MTM1: variants seen among roughly 807,000 people sequenced by gnomAD.
The protein encoded by MTM1 is myotubularin 1, also known as myotubularin.
Under a neutral mutation model 52.1 loss-of-function variants are expected in MTM1, and 9 were observed. The ratio of observed to expected loss-of-function variants is 0.17; its 90% confidence interval spans 0.10 to 0.30. MTM1 has a LOEUF of 0.30. Among genes scored for constraint, MTM1 ranks in the 10% least tolerant of loss-of-function variants. The pLI, the probability that MTM1 is intolerant of heterozygous loss-of-function variation, is 1.00. For synonymous variants in MTM1, 136 were observed against 163.8 expected (o/e 0.83, Z 1.29); for missense variants, 277 against 470.7 (o/e 0.59, Z 3.81).
intron 1 of MTM1, among the ~76,000 whole-genome samples, chrX:150,585,251 C>T (rs1227339630): frequency 3.6e-5 from 4 of 111,493 alleles, no homozygotes; most frequent in African/African-American, 1.3e-4. Flanking sequence ...TATCTCCAAC[C>T]TTTTCTCCTC....
intron 1 of MTM1, among the ~76,000 whole-genome samples, chrX:150,574,257 C>A (rs1205994784): frequency 9.0e-6 from 1 of 111,474 alleles, no homozygotes; most frequent in Non-Finnish European, 1.9e-5. Flanking sequence ...ATTCCCATTA[C>A]GCCTATGGCA....
At position 150,649,746 on chromosome X, in the gene MTM1, G is replaced by A. The variant is rs2148497733; in HGVS notation, c.898G>A (p.Ala300Thr). The A allele has an allele frequency of 8.3e-7, 1 of 1,209,154 alleles. No homozygotes were observed. Among genetic ancestry groups the A allele is most frequent in the South Asian group, 1.8e-5 (1 of 56,819 alleles). Residue 300 changes from alanine to threonine, a missense_variant, in exon 10 of 15, where the codon GCA (alanine) becomes ACA (threonine). Coordinates refer to ENST00000370396, the MANE Select transcript of MTM1 (RefSeq NM_000252.3). ...AGGAGGAGGATATGAAAGTGATGAT[G>A]CATATCATAACGCCGAACTTTTCTT... ...ATGGGYESDD[A>T]YHNAELFFLD...
intron 6 of MTM1, among the ~76,000 whole-genome samples, chrX:150,637,058 C>T (rs782163219): frequency 8.9e-6 from 1 of 112,180 alleles, no homozygotes; most frequent in Admixed American, 9.4e-5. Context: ...CCAGTGTGTG[C>T]TTATCATGCC....
intron 1 of MTM1, among the ~76,000 whole-genome samples, chrX:150,571,090 A>G (rs900275959): frequency 8.9e-6 from 1 of 112,235 alleles, no homozygotes; most frequent in Admixed American, 9.4e-5. Flanking sequence ...GCTCCAAAAT[A>G]AAGAGAAAAG....
At chrX:150,579,104 G>T (rs1557411776) in intron 1 of MTM1, among the ~76,000 whole-genome samples, 1 of 110,153 alleles carries the variant, frequency 9.1e-6, no homozygotes, top group Non-Finnish European at 1.9e-5. Flanking sequence ...GCCCAGGCTG[G>T]AGTGCAATGG....
intron 3 of MTM1, chrX:150,597,012 T>C (rs1557412623): frequency 1.5e-5 from 2 of 129,132 alleles, no homozygotes; most frequent in African/African-American, 6.4e-5. Flanking sequence ...CGTCAGAAAA[T>C]GGAAGTTAGT....
At chrX:150,572,930 G>A (rs2038405954) in intron 1 of MTM1, among the ~76,000 whole-genome samples, 1 of 112,865 alleles carries the variant, frequency 8.9e-6, no homozygotes, top group Non-Finnish European at 1.9e-5. Flanking sequence ...TCATGTACTT[G>A]TATTAGTTTA....
At chrX:150,618,419 C>T (rs781870575) in intron 5 of MTM1, among the ~76,000 whole-genome samples, 1 of 111,230 alleles carries the variant, frequency 9.0e-6, no homozygotes, top group African/African-American at 3.3e-5. Context: ...TTTGGGAGGC[C>T]GAGGCAGGCA....
At chrX:150,575,073 C>T (rs1431502668) in intron 1 of MTM1, among the ~76,000 whole-genome samples, 3 of 112,357 alleles carry the variant, frequency 2.7e-5, no homozygotes, top group Non-Finnish European at 3.8e-5. Flanking sequence ...GGTTTTTTCT[C>T]GGTTTCAGTT....
intron 1 of MTM1, among the ~76,000 whole-genome samples, chrX:150,575,459 T>G (rs1361908480): frequency 1.8e-5 from 2 of 112,480 alleles, no homozygotes; most frequent in Admixed American, 1.9e-4. Context: ...CACCTGGACT[T>G]CGAGTTGAAA....
chrX:150,598,964 G>T (rs1227008466), intron 4 of MTM1, among the ~76,000 whole-genome samples: 1 of 112,256 alleles, frequency 8.9e-6, no homozygotes, highest in African/African-American at 3.2e-5. Flanking sequence ...GTGTAGAACA[G>T]TGGTTCTTTG....
At chrX:150,590,641 GTCCTTT>G (rs2038867455) in intron 1 of MTM1, among the ~76,000 whole-genome samples, 1 of 111,291 alleles carries the variant, frequency 9.0e-6, no homozygotes, top group Admixed American at 9.6e-5. Flanking sequence ...GAGGGATTTC[GTCCTTT>G]ATATTCATTT....
intron 5 of MTM1, among the ~76,000 whole-genome samples, chrX:150,618,148 C>G (rs2039416486): frequency 9.0e-6 from 1 of 111,373 alleles, no homozygotes; most frequent in African/African-American, 3.3e-5. Flanking sequence ...GTAGTTACTA[C>G]TAATATGGGC....
intron 4 of MTM1, among the ~76,000 whole-genome samples, chrX:150,603,778 A>T (rs1557412781): frequency 8.9e-6 from 1 of 112,094 alleles, no homozygotes; most frequent in East Asian, 2.8e-4. Context: ...GCATATTGGT[A>T]GCACTAAAGA....
intron 6 of MTM1, among the ~76,000 whole-genome samples, chrX:150,636,882 G>A (rs1557413716): frequency 8.9e-6 from 1 of 112,407 alleles, no homozygotes; most frequent in Non-Finnish European, 1.9e-5. Context: ...ATAAAGGAGT[G>A]CACCAAACAT....
chrX:150,657,922 G>A lies in MTM1; in HGVS notation c.1155G>A (p.Leu385=). The change falls in exon 11 of 15, where the codon CTG becomes CTA. Residue 385 remains leucine (L), a synonymous_variant. Transcript: ENST00000370396. ...ACGGATGGGACAGGACTGCTCAGCT[G>A]ACATCCTTGGCCATGCTGATGTTGG... ...CSDGWDRTAQ[L]TSLAMLMLDS... is the part of the protein sequence containing the mutation. 1 of 1,210,786 alleles carries A rather than the reference G, an allele frequency of 8.3e-7. No individual in the cohort carries two copies. Among genetic ancestry groups the A allele is most frequent in the Non-Finnish European group, 1.1e-6 (1 of 894,596 alleles).
At chrX:150,619,565 A>G (rs1316220508) in intron 6 of MTM1, among the ~76,000 whole-genome samples, 2 of 112,477 alleles carry the variant, frequency 1.8e-5, no homozygotes, top group East Asian at 5.6e-4. Context: ...GTTGTAATCT[A>G]TGACTTAGTC....
rs781901133 is a variant in MTM1 at position 150,668,674 on chromosome X, T to C, written c.1645-2754T>C. 5.4e-5 allele frequency among the ~76,000 whole-genome samples: 6 copies of C among 110,966 alleles called. No homozygotes were observed. The East Asian group carries it at 1.7e-3, about 31-fold the overall frequency. ...GTTCAAGATTTTGCTGAGCTACGAT[T>C]GCACTGCACTCCAGCCTGGCAACAA... On this transcript the variant is annotated intron_variant, in intron 14 of 14. Coordinates refer to ENST00000370396, the MANE Select transcript of MTM1 (RefSeq NM_000252.3).
intron 14 of MTM1, among the ~76,000 whole-genome samples, chrX:150,667,716 TAG>T (rs1164094045): frequency 8.9e-6 from 1 of 112,193 alleles, no homozygotes; most frequent in Non-Finnish European, 1.9e-5. Flanking sequence ...ACAGTGATCA[TAG>T]GGAGAATGGG....
Sources: allele counts gnomAD v4.1 joint callset (sites outside exome capture counted in the v4.1 genomes callset), GRCh38; gene constraint gnomAD v4.1.1; transcripts MANE v1.5; gene names NCBI Gene and HGNC (gene_info 2026-07-23, HGNC 2026-07-21).